NDC1: variants seen among roughly 807,000 people sequenced by gnomAD.
The protein encoded by NDC1 is NDC1 transmembrane nucleoporin.
In NDC1, 24 loss-of-function variants were observed where a neutral mutation model predicts 89.8. That is an observed-to-expected ratio of 0.27 (90% CI 0.19 to 0.38). The LOEUF (loss-of-function observed/expected upper bound fraction) is 0.38, where lower values mean the gene tolerates loss of function less well. Among genes scored for constraint, NDC1 ranks in the 10% least tolerant of loss-of-function variants. NDC1 has a pLI of 1.00. For missense variants in NDC1, 728 were observed against 797.6 expected (o/e 0.91, Z 1.05); for synonymous variants, 296 against 284.8 (o/e 1.04, Z -0.39).
chr1:53,777,031 A>AT (rs34532987), intron 16 of NDC1, among the ~76,000 whole-genome samples: 37,917 of 147,114 alleles, frequency 0.26, 5,639 homozygotes, highest in African/African-American at 0.43. Context: ...ATTTTGTTGA[A>AT]TTTTTTTTTT....
At chr1:53,782,152 A>C (rs1050035443) in intron 16 of NDC1, among the ~76,000 whole-genome samples, 2 of 152,120 alleles carry the variant, frequency 1.3e-5, no homozygotes, top group Non-Finnish European at 2.9e-5. Flanking sequence ...ATGTGCAGTT[A>C]GAGTCAAGTT....
chr1:53,793,026 T>A (rs1647574456), intron 14 of NDC1, among the ~76,000 whole-genome samples: 1 of 151,458 alleles, frequency 6.6e-6, no homozygotes, highest in Non-Finnish European at 1.5e-5. Flanking sequence ...AACTAGAGAG[T>A]CAAGCTTCAG....
chr1:53,788,735 A>C (rs1368196728), intron 15 of NDC1, among the ~76,000 whole-genome samples: 1 of 151,884 alleles, frequency 6.6e-6, no homozygotes, highest in Non-Finnish European at 1.5e-5. Flanking sequence ...CCCACAAAAA[A>C]GTTTTTAAAA....
At chr1:53,789,460 A>T (rs1647412220) in intron 14 of NDC1, among the ~76,000 whole-genome samples, 1 of 152,210 alleles carries the variant, frequency 6.6e-6, no homozygotes, top group African/African-American at 2.4e-5. Flanking sequence ...CATATACTCA[A>T]CCCACCTCAG....
chr1:53,778,816 T>C (rs1457721482), intron 16 of NDC1, among the ~76,000 whole-genome samples: 1 of 152,116 alleles, frequency 6.6e-6, no homozygotes, highest in East Asian at 1.9e-4. Context: ...TTAACCTTTC[T>C]TTTAATCTGA....
At chr1:53,831,838 A>T (rs1570241361) in intron 3 of NDC1, among the ~76,000 whole-genome samples, 1 of 152,122 alleles carries the variant, frequency 6.6e-6, no homozygotes, top group East Asian at 1.9e-4. Flanking sequence ...GAAAAATTAA[A>T]AGCTCTGGAA....
intron 3 of NDC1, among the ~76,000 whole-genome samples, chr1:53,831,460 G>A (rs1047286489): frequency 2.6e-5 from 4 of 151,868 alleles, no homozygotes; most frequent in African/African-American, 9.7e-5. Flanking sequence ...AGATCACAAG[G>A]TCAAGAGATC....
chr1:53,794,605 C>T (rs892427356), intron 13 of NDC1, among the ~76,000 whole-genome samples: 36 of 152,298 alleles, frequency 2.4e-4, no homozygotes, highest in African/African-American at 7.2e-4. Flanking sequence ...CGTGGTGGCT[C>T]GCGCCTGTAA....
intron 7 of NDC1, among the ~76,000 whole-genome samples, chr1:53,808,607 C>T (rs1157578551): frequency 1.3e-5 from 2 of 152,142 alleles, no homozygotes; most frequent in African/African-American, 2.4e-5. Flanking sequence ...TACTGAGGCC[C>T]TGACATAAAT....
Position 53,800,798 on chromosome 1 carries a change from A to G in NDC1, c.1117T>C (p.Leu373=). 6.2e-7 allele frequency: 1 copy of G among 1,613,150 alleles called. No individual in the cohort carries two copies. Among genetic ancestry groups the G allele is most frequent in the Non-Finnish European group, 8.5e-7 (1 of 1,179,570 alleles). Residue 373 remains leucine, a synonymous_variant, in exon 11 of 18, where the codon TTA becomes CTA. Transcript: ENST00000371429. ...TAISRECLNL[L]NGMTQKLILY... ...ATCAGTTTCTGAGTCATACCATTTAAAAGATTCAAACACTCCCTTGAAATG... is the reference window on the plus strand; with the variant it reads ...ATCAGTTTCTGAGTCATACCATTTAGAAGATTCAAACACTCCCTTGAAATG...
intron 5 of NDC1, among the ~76,000 whole-genome samples, chr1:53,819,900 T>G (rs182948711): frequency 2.6e-5 from 4 of 152,092 alleles, no homozygotes; most frequent in Non-Finnish European, 5.9e-5. Flanking sequence ...GAAAGAAGAA[T>G]TGTCTTGGGT....
At position 53,829,978 on chromosome 1, in the gene NDC1, C is replaced by A. The variant is rs184888888; in HGVS notation, c.281-1805G>T. Reference sequence around the variant, plus strand: ...CCAGCCTGGCCAATATGGTGAAACCCCACCTCTACTAAAAATACAAAAAAT... The same window carrying A: ...CCAGCCTGGCCAATATGGTGAAACCACACCTCTACTAAAAATACAAAAAAT... On this transcript the variant is annotated intron_variant, in intron 3 of 17. Transcript: ENST00000371429. Among the ~76,000 whole-genome samples the A allele has an allele frequency of 3.3e-5, 5 of 152,074 alleles. No individual in the cohort carries two copies. In the East Asian group the frequency reaches 9.7e-4, roughly 29 times the overall value.
chr1:53,824,810 T>C (rs182746434), intron 5 of NDC1, among the ~76,000 whole-genome samples: 228 of 152,320 alleles, frequency 1.5e-3, no homozygotes, highest in African/African-American at 5.2e-3. Context: ...CTGAAAATGA[T>C]AGGAGACAGT....
intron 16 of NDC1, among the ~76,000 whole-genome samples, chr1:53,782,030 G>A (rs116250878): frequency 6.6e-6 from 1 of 152,128 alleles, no homozygotes; most frequent in South Asian, 2.1e-4. Flanking sequence ...AATATGAAGA[G>A]GAGACAATAA....
chr1:53,834,067 G>C (rs1160739573), intron 2 of NDC1, among the ~76,000 whole-genome samples: 1 of 152,182 alleles, frequency 6.6e-6, no homozygotes, highest in Non-Finnish European at 1.5e-5. Context: ...ACAGGGGTGA[G>C]CCACCACACT....
chr1:53,773,930 C>T (rs1647140729), intron 16 of NDC1, among the ~76,000 whole-genome samples: 1 of 152,142 alleles, frequency 6.6e-6, no homozygotes, highest in Non-Finnish European at 1.5e-5. Context: ...AATTTTCAAA[C>T]AGCTCTCACC....
At chr1:53,781,151 TA>T (rs1647203857) in intron 16 of NDC1, among the ~76,000 whole-genome samples, 1 of 152,090 alleles carries the variant, frequency 6.6e-6, no homozygotes, top group African/African-American at 2.4e-5. Context: ...CCAACGCACT[TA>T]GCCAAAAAAA....
rs1013835322 is a variant in NDC1 at position 53,766,975 on chromosome 1, C to T, written c.*995G>A. On this transcript the variant is annotated 3_prime_UTR_variant, in exon 18 of 18. Transcript: ENST00000371429. Reference sequence around the variant, plus strand: ...CCCTCTGACGTTTTGGTTTCACTTGCTATTTGATGACTAAGTTGTTTCTGG... The same window carrying T: ...CCCTCTGACGTTTTGGTTTCACTTGTTATTTGATGACTAAGTTGTTTCTGG... 14 of 152,158 alleles carry T rather than the reference C, an allele frequency of 9.2e-5. No individual in the cohort carries two copies. Among genetic ancestry groups the T allele is most frequent in the African/African-American group, 3.1e-4 (13 of 41,448 alleles). 9.4% of individuals were successfully genotyped at this position (152,158 alleles called of 1,614,324 possible). A position where few individuals can be genotyped will look rare whatever the true frequency, so the allele number is the denominator to read the frequency against.
At position 53,796,573 on chromosome 1, in the gene NDC1, C is replaced by T. The variant is rs1557574597; in HGVS notation, c.1584+116G>A. 21 of 604,504 alleles carry T rather than the reference C, an allele frequency of 3.5e-5. No homozygotes were observed. In the East Asian group the frequency reaches 4.3e-4, roughly 12 times the overall value. The allele number at this position is 604,504 out of a possible 1,614,324, so 37.4% of individuals were successfully genotyped here. On this transcript the variant is annotated intron_variant, in intron 13 of 17. Transcript: ENST00000371429. Reference sequence around the variant, plus strand: ...TGGCTGTTTCATTTGAGTCAATACACGAAGCATAAAAAAAAAAAAAAAAAA... The same window carrying T: ...TGGCTGTTTCATTTGAGTCAATACATGAAGCATAAAAAAAAAAAAAAAAAA...
Sources: allele counts gnomAD v4.1 joint callset (sites outside exome capture counted in the v4.1 genomes callset), GRCh38; gene constraint gnomAD v4.1.1; transcripts MANE v1.5; gene names NCBI Gene and HGNC (gene_info 2026-07-23, HGNC 2026-07-21).